The following RGPD3 variants were observed in gnomAD, a reference collection of about 807,000 sequenced individuals.
RGPD3 encodes the protein ranBP2-like and GRIP domain-containing protein 3.
A neutral mutation model predicts 154.5 loss-of-function variants in RGPD3; 62 were observed. The ratio of observed to expected loss-of-function variants is 0.40; its 90% CI spans 0.33 to 0.50. The LOEUF (loss-of-function observed/expected upper bound fraction) is 0.50. RGPD3 is among the 20% of genes least tolerant of loss of function. The pLI is 0.59. For synonymous variants in RGPD3, 308 were observed against 607.0 expected (o/e 0.51, Z 7.24); for missense variants, 919 against 1,716.8 (o/e 0.54, Z 8.21).
chr2:106,462,126 C>T (rs2104519357), intron 1 of RGPD3, among the ~76,000 whole-genome samples: 1 of 152,332 alleles, frequency 6.6e-6, no homozygotes, highest in African/African-American at 2.4e-5. Context: ...TGTAATCTGA[C>T]TTCCTCCGCC....
chr2:106,468,052 G>A (rs571381135), intron 1 of RGPD3, among the ~76,000 whole-genome samples, 165 bp downstream of exon 1: 2 of 141,736 alleles, frequency 1.4e-5, no homozygotes, highest in East Asian at 2.2e-4. Flanking sequence ...CTGAGCCATC[G>A]AGGCCGCCGC....
Position 106,424,085 on chromosome 2 carries a change from G to C in RGPD3, c.3882C>G (p.Phe1294Leu). ...ATAGACTCAAAGCAGATTTAAAACTGAAGTTAGATCCTGTTGTTGACTCAT... is the reference window on the plus strand; with the variant it reads ...ATAGACTCAAAGCAGATTTAAAACTCAAGTTAGATCCTGTTGTTGACTCAT... ...HFDESTTGSN[F>L]SFKSALSLSK... The change falls in exon 20 of 23, where the codon TTC (phenylalanine) becomes TTG (leucine). Residue 1294 changes from phenylalanine to leucine, a missense_variant. Coordinates refer to ENST00000409886, the MANE Select transcript of RGPD3 (RefSeq NM_001144013.2). 1 of 1,611,382 alleles carries C rather than the reference G, an allele frequency of 6.2e-7. No homozygotes were observed.
intron 22 of RGPD3, among the ~76,000 whole-genome samples, chr2:106,408,964 G>A (rs1676591793): frequency 1.3e-5 from 2 of 151,712 alleles, no homozygotes; most frequent in East Asian, 2.0e-4. Context: ...GGGCTTACAG[G>A]TGTGAGTCAC....
At chr2:106,466,263 G>C (rs11689251) in intron 1 of RGPD3, among the ~76,000 whole-genome samples, 1 of 150,272 alleles carries the variant, frequency 6.7e-6, no homozygotes. Flanking sequence ...TGCAAGCGCC[G>C]CGCCGCCCAC....
intron 9 of RGPD3, among the ~76,000 whole-genome samples, chr2:106,438,550 G>A (rs2104481919): frequency 6.6e-6 from 1 of 151,134 alleles, no homozygotes; most frequent in Admixed American, 6.6e-5. Flanking sequence ...GGGAGGCCAA[G>A]GCAGGTGGAT....
rs1057163491 is a variant in RGPD3, at chr2:106,424,134, A to C, written c.3833T>G (p.Val1278Gly). 2.5e-5 allele frequency: 40 copies of C among 1,601,588 alleles called. No homozygotes were observed. In the African/African-American group the frequency reaches 4.8e-4, roughly 19 times the overall value. ...ATCAAAGTGGAAAAGATTTTTTCTCACAGGGCTACTTGCCAATGGAGAAGC... is the reference window on the plus strand; with the variant it reads ...ATCAAAGTGGAAAAGATTTTTTCTCCCAGGGCTACTTGCCAATGGAGAAGC... ...VHASPLASSP[V>G]RKNLFHFDES... The change falls in exon 20 of 23, where the codon GTG becomes GGG. Residue 1278 changes from valine (V) to glycine (G), a missense_variant. Coordinates refer to ENST00000409886, the MANE Select transcript of RGPD3 (RefSeq NM_001144013.2).
At chr2:106,421,440 GTATAAT>G (rs1676983108) in intron 20 of RGPD3, among the ~76,000 whole-genome samples, 1 of 151,622 alleles carries the variant, frequency 6.6e-6, no homozygotes, top group South Asian at 2.1e-4. Context: ...AATAAAACTG[GTATAAT>G]TAAAAAAAAA....
Position 106,457,022 on chromosome 2 carries a change from C to T in RGPD3, c.354G>A (p.Val118=). The T allele has an allele frequency of 1.9e-6, 3 of 1,611,484 alleles. No homozygotes were observed. The highest frequency in any genetic ancestry group is 1.1e-5 in the South Asian group (1 of 90,972). The change falls in exon 4 of 23, where the codon GTG becomes GTA. Residue 118 remains valine (V), a synonymous_variant. Transcript: ENST00000409886. ...DVTDGRAEYW[V]ERAAKLFPGS... ...CTGGGAAAAGTTTTGCTGCTCTTTC[C>T]ACCCAGTATTCTGCTCTTCCATCAG... is the stretch of plus-strand genomic sequence containing the variant.
intron 22 of RGPD3, among the ~76,000 whole-genome samples, chr2:106,406,027 CTAAA>C (rs1457683736): frequency 3.3e-5 from 5 of 151,044 alleles, no homozygotes; most frequent in African/African-American, 4.9e-5. Context: ...TCCAGCACAA[CTAAA>C]TATTGTTGAC....
intron 6 of RGPD3, among the ~76,000 whole-genome samples, chr2:106,450,741 C>T (rs1678090925): frequency 8.7e-6 from 1 of 114,796 alleles, no homozygotes; most frequent in Admixed American, 9.3e-5. Flanking sequence ...AAAAATTAGC[C>T]AGGTGTGGTG....
rs558190750 is a variant in RGPD3, at chr2:106,403,764, C to A, written c.*1455G>T. On this transcript the variant is annotated 3_prime_UTR_variant, in exon 23 of 23. Transcript: ENST00000409886. ...GGTCTGTTCTTCTAAGGAGGAAAGA[C>A]GAGATATATGAGATATTTTTTAAAG... Among the ~76,000 whole-genome samples the A allele has an allele frequency of 6.6e-6, 1 of 152,228 alleles. No homozygotes were observed. The highest frequency in any genetic ancestry group is 1.5e-5 in the Non-Finnish European group (1 of 68,050).
chr2:106,465,424 C>G (rs999910655), intron 1 of RGPD3, among the ~76,000 whole-genome samples: 43 of 152,276 alleles, frequency 2.8e-4, no homozygotes, highest in African/African-American at 3.6e-4. Context: ...TCGTCAAAAT[C>G]TTGCCACCAC....
chr2:106,445,385 C>A (rs1477481026), intron 7 of RGPD3, among the ~76,000 whole-genome samples: 3 of 149,140 alleles, frequency 2.0e-5, no homozygotes, highest in Non-Finnish European at 3.0e-5. Context: ...GTGAACCTCA[C>A]TAAATCCATT....
chr2:106,408,793 C>A (rs909552756), intron 22 of RGPD3, among the ~76,000 whole-genome samples: 4 of 152,030 alleles, frequency 2.6e-5, no homozygotes, highest in African/African-American at 9.7e-5. Context: ...AACAAAGAAT[C>A]CTGCTGCCTT....
In RGPD3 at chr2:106,466,420, C is replaced by G. The variant is rs1181349228; in HGVS notation, c.72+1797G>C. ...GAGCGCGCCAGGGAGCAGCGCCCGT[C>G]GGGAGCCATGACGCCTGAGCCATCG... On this transcript the variant is annotated intron_variant, in intron 1 of 22. Transcript: ENST00000409886. Among the ~76,000 whole-genome samples, 5 of 136,086 alleles carry G rather than the reference C, an allele frequency of 3.7e-5. No homozygotes were observed. The East Asian group carries it at 9.5e-4, about 26-fold the overall frequency. The allele number at this position is 136,086 out of a possible 152,430, so 89.3% of individuals were successfully genotyped here.
Position 106,424,234 on chromosome 2 carries a change from G to C in RGPD3, c.3733C>G (p.Pro1245Ala). 1 of 1,611,948 alleles carries C rather than the reference G, an allele frequency of 6.2e-7. No homozygotes were observed. Among genetic ancestry groups the C allele is most frequent in the South Asian group, 1.1e-5 (1 of 90,976 alleles). The change falls in exon 20 of 23, where the codon CCC becomes GCC. Residue 1245 changes from proline to alanine, a missense_variant. By Grantham distance (27) the Pro-to-Ala change is conservative. Coordinates refer to ENST00000409886, the MANE Select transcript of RGPD3 (RefSeq NM_001144013.2). ...TIKPNAENTGPTLEWDNYDLR... is the reference protein window; with the variant it reads ...TIKPNAENTGATLEWDNYDLR... ...TCATAGTTATCCCATTCTAATGTGG[G>C]CCCAGTGTTTTCAGCATTGGGTTTT...
rs1376294221 is a variant in RGPD3, at chr2:106,468,361, G to A, written c.-73C>T. ...CCGCAGCAGTCGCCAATTCCAAGAG[G>A]AAAGCGCCTGAAAGCCACTGAGGCA... is the stretch of plus-strand genomic sequence containing the variant. On this transcript the variant is annotated 5_prime_UTR_variant, in exon 1 of 23. Transcript: ENST00000409886. 4 of 1,548,130 alleles carry A rather than the reference G, an allele frequency of 2.6e-6. No individual in the cohort carries two copies. In the South Asian group the frequency reaches 3.6e-5, roughly 14 times the overall value.
intron 7 of RGPD3, among the ~76,000 whole-genome samples, chr2:106,441,783 G>A (rs1242973082): frequency 7.3e-6 from 1 of 136,598 alleles, no homozygotes; most frequent in East Asian, 2.5e-4. Flanking sequence ...AGGATAGCTT[G>A]AACCTGGGAG....
intron 4 of RGPD3, among the ~76,000 whole-genome samples, chr2:106,455,175 T>C (rs1280342283): frequency 1.3e-5 from 2 of 151,084 alleles, no homozygotes; most frequent in African/African-American, 4.9e-5. Context: ...CTCAAAAAAA[T>C]AGAAATAAAA....
Sources: gnomAD v4.1 joint callset for allele counts (sites outside exome capture counted in the v4.1 genomes callset) on GRCh38, gnomAD v4.1.1 for gene constraint, MANE v1.5 for transcripts, NCBI Gene and HGNC (gene_info 2026-07-23, HGNC 2026-07-21) for gene names.